The following PPFIBP1 variants were observed in gnomAD, a reference collection of about 807,000 sequenced individuals.
The protein encoded by PPFIBP1 is PPFIB scaffold protein 1.
In PPFIBP1, 112 loss-of-function variants were observed where a neutral mutation model predicts 137.8. The ratio of observed to expected loss-of-function variants is 0.81; its 90% CI spans 0.70 to 0.95. PPFIBP1 has a LOEUF of 0.95. Among genes scored for constraint, PPFIBP1 ranks in the 40% least tolerant of loss-of-function variants. PPFIBP1 has a pLI of 0.00. For missense variants in PPFIBP1, 1,083 were observed against 1,196.6 expected (o/e 0.91, Z 1.40); for synonymous variants, 378 against 417.3 (o/e 0.91, Z 1.15).
intron 6 of PPFIBP1, 125 bp downstream of exon 6, chr12:27,647,967 A>T (rs1435438982): frequency 3.9e-5 from 47 of 1,201,894 alleles, no homozygotes; most frequent in African/African-American, 4.7e-5. Context: ...CAGCACATTA[A>T]AAAAAAAAAA....
chr12:27,639,012 G>C (rs9788270), intron 4 of PPFIBP1, among the ~76,000 whole-genome samples: 3,789 of 152,262 alleles, frequency 0.025, 393 homozygotes, highest in Admixed American at 0.19. Context: ...CTGGTTTCTT[G>C]TAGGATGCAG....
At chr12:27,599,941 A>C (rs1377747610) in intron 2 of PPFIBP1, among the ~76,000 whole-genome samples, 1 of 152,234 alleles carries the variant, frequency 6.6e-6, no homozygotes, top group Admixed American at 6.5e-5. Flanking sequence ...AGAATAAAAA[A>C]AGGACATTAG....
chr12:27,682,266 T>A lies in PPFIBP1; in HGVS notation c.2047-121T>A, dbSNP rs185515814. On this transcript the variant is annotated intron_variant, in intron 22 of 29. Transcript: ENST00000228425. ...AACACTTTACTAGCCCAAGTTGGGA[T>A]TGTAATTCAGTATTGAATTGGGTCT... 65 of 727,808 alleles carry A rather than the reference T, an allele frequency of 8.9e-5. No homozygotes were observed. In the East Asian group the frequency reaches 1.2e-3, roughly 13 times the overall value. The allele number at this position is 727,808 out of a possible 1,614,324, so 45.1% of individuals were successfully genotyped here. A position where few individuals can be genotyped will look rare whatever the true frequency, so the allele number is the denominator to read the frequency against.
At chr12:27,682,728 G>A (rs774552596) in intron 24 of PPFIBP1, 25 bp downstream of exon 24, 3 of 1,612,852 alleles carry the variant, frequency 1.9e-6, no homozygotes, top group Admixed American at 3.3e-5. Flanking sequence ...CCTGGGGTTT[G>A]GGGGAGGAAA....
At chr12:27,649,096 T>C (rs1176842254) in intron 6 of PPFIBP1, among the ~76,000 whole-genome samples, 1 of 152,216 alleles carries the variant, frequency 6.6e-6, no homozygotes, top group Non-Finnish European at 1.5e-5. Flanking sequence ...TCAAAACATA[T>C]ACCCCATAAA....
chr12:27,580,921 T>C lies in PPFIBP1; in HGVS notation c.-36+2682T>C, dbSNP rs1474956717. Among the ~76,000 whole-genome samples the C allele has an allele frequency of 3.9e-5, 6 of 151,920 alleles. No homozygotes were observed. In the East Asian group the frequency reaches 1.2e-3, roughly 29 times the overall value. On this transcript the variant is annotated intron_variant, in intron 2 of 29. Coordinates refer to ENST00000228425, the MANE Select transcript of PPFIBP1 (RefSeq NM_003622.4). ...ATACATTATACTCTTTTTTTTTTTT[T>C]CTTTTAAGAGACAGGGTCTCGGTTT...
intron 11 of PPFIBP1, among the ~76,000 whole-genome samples, chr12:27,662,116 T>C (rs1398231605): frequency 2.0e-5 from 3 of 152,222 alleles, no homozygotes; most frequent in African/African-American, 7.2e-5. Flanking sequence ...GGTCGGGGAT[T>C]CAGAAGACTT....
chr12:27,537,095 C>A (rs554070573), intron 1 of PPFIBP1, among the ~76,000 whole-genome samples: 1 of 151,982 alleles, frequency 6.6e-6, no homozygotes, highest in African/African-American at 2.4e-5. Context: ...CAGACCTTGC[C>A]GTTGTCTCCT....
intron 1 of PPFIBP1, among the ~76,000 whole-genome samples, chr12:27,529,207 C>T (rs1944123447): frequency 6.6e-6 from 1 of 152,146 alleles, no homozygotes; most frequent in Admixed American, 6.5e-5. Context: ...TTATGGACAC[C>T]CTCTGGACTC....
Position 27,687,522 on chromosome 12 carries a change from T to C in PPFIBP1, c.2370+15T>C, listed in dbSNP as rs759622348. On this transcript the variant is annotated intron_variant, in intron 25 of 29. Transcript: ENST00000228425. ...CATCTGATGAGGTAGTGTTTTAAGATTGAGGTTTATAAGCATGCACTTCCC... is the reference window on the plus strand; with the variant it reads ...CATCTGATGAGGTAGTGTTTTAAGACTGAGGTTTATAAGCATGCACTTCCC... The C allele has an allele frequency of 3.7e-6, 6 of 1,612,476 alleles. No homozygotes were observed. The African/African-American group carries it at 8.0e-5, about 22-fold the overall frequency.
At chr12:27,528,185 G>A (rs1220597212) in intron 1 of PPFIBP1, among the ~76,000 whole-genome samples, 1 of 152,096 alleles carries the variant, frequency 6.6e-6, no homozygotes, top group Non-Finnish European at 1.5e-5. Flanking sequence ...CTGACCTCAG[G>A]TGATCTGTCT....
chr12:27,683,608 T>C (rs1273748855), intron 24 of PPFIBP1, among the ~76,000 whole-genome samples: 2 of 152,158 alleles, frequency 1.3e-5, no homozygotes, highest in Non-Finnish European at 2.9e-5. Flanking sequence ...AGGCTAGACT[T>C]CTACTCTGGT....
chr12:27,545,072 A>C (rs1368352625), intron 1 of PPFIBP1, among the ~76,000 whole-genome samples: 1 of 152,254 alleles, frequency 6.6e-6, no homozygotes, highest in African/African-American at 2.4e-5. Flanking sequence ...GAATGAGTTC[A>C]TGTCCTTTCA....
intron 1 of PPFIBP1, among the ~76,000 whole-genome samples, chr12:27,529,880 A>G (rs913003869): frequency 5.9e-5 from 9 of 152,162 alleles, no homozygotes; most frequent in African/African-American, 2.2e-4. Flanking sequence ...CACTAAATGT[A>G]CCTGTGTTTT....
chr12:27,525,123 T>C (rs1365357060), intron 1 of PPFIBP1, among the ~76,000 whole-genome samples: 1 of 152,008 alleles, frequency 6.6e-6, no homozygotes, highest in Non-Finnish European at 1.5e-5. Flanking sequence ...GAAGGGAGTT[T>C]TAACAGGGAA....
chr12:27,604,862 A>G (rs140645789), intron 2 of PPFIBP1, among the ~76,000 whole-genome samples: 2,473 of 152,314 alleles, frequency 0.016, 68 homozygotes, highest in African/African-American at 0.056. Context: ...AGGCCTCACA[A>G]TCTTGACAGA....
chr12:27,647,620 C>G, intron 5 of PPFIBP1, 109 bp from the exon 6 acceptor site: 1 of 660,754 alleles, frequency 1.5e-6, no homozygotes, highest in South Asian at 2.9e-5. Context: ...TTCTTTATAA[C>G]CGTATGAATG....
intron 2 of PPFIBP1, among the ~76,000 whole-genome samples, chr12:27,597,868 G>A (rs1260704693): frequency 6.6e-6 from 1 of 152,116 alleles, no homozygotes; most frequent in Non-Finnish European, 1.5e-5. Context: ...GCAGTGGCAT[G>A]ATCTCCAGCT....
At chr12:27,626,773 C>T (rs1485034776) in intron 2 of PPFIBP1, among the ~76,000 whole-genome samples, 1 of 152,096 alleles carries the variant, frequency 6.6e-6, no homozygotes, top group Non-Finnish European at 1.5e-5. Flanking sequence ...ACCATGTTGG[C>T]CAGGCTGGTC....
Sources: allele counts gnomAD v4.1 joint callset (sites outside exome capture counted in the v4.1 genomes callset), GRCh38; gene constraint gnomAD v4.1.1; transcripts MANE v1.5; gene names NCBI Gene and HGNC (gene_info 2026-07-23, HGNC 2026-07-21).